SMYD3: variants seen among roughly 807,000 people sequenced by gnomAD.
The protein encoded by SMYD3 is histone-lysine N-methyltransferase SMYD3.
A neutral mutation model predicts 57.7 loss-of-function variants in SMYD3; 36 were observed. The ratio of observed to expected loss-of-function variants is 0.62; its 90% confidence interval spans 0.48 to 0.82. The LOEUF (loss-of-function observed/expected upper bound fraction) is 0.82. Ranked by LOEUF, SMYD3 falls within the 40% of genes least tolerant of loss-of-function variation. The pLI is 0.00. For missense variants in SMYD3, 515 were observed against 538.8 expected, an observed-to-expected ratio of 0.96 and a Z score of 0.44; for synonymous variants, 211 against 195.0, an observed-to-expected ratio of 1.08 and a Z score of -0.68.
chr1:246,271,730 T>C (rs891258149), intron 5 of SMYD3, among the ~76,000 whole-genome samples: 1 of 152,222 alleles, frequency 6.6e-6, no homozygotes, highest in African/African-American at 2.4e-5. Flanking sequence ...ATCAGCACAT[T>C]GAGTCATCCA....
chr1:246,034,141 A>T (rs2059728709), intron 5 of SMYD3, among the ~76,000 whole-genome samples: 1 of 152,202 alleles, frequency 6.6e-6, no homozygotes, highest in South Asian at 2.1e-4. Flanking sequence ...CTTTCCTCTA[A>T]GAAGTTGTAC....
intron 5 of SMYD3, among the ~76,000 whole-genome samples, chr1:246,091,344 TTG>T (rs2147888924): frequency 6.6e-6 from 1 of 152,248 alleles, no homozygotes; most frequent in African/African-American, 2.4e-5. Context: ...GCTGGATGGG[TTG>T]TGGGCAACAG....
intron 5 of SMYD3, among the ~76,000 whole-genome samples, chr1:245,990,773 G>A (rs2058797244): frequency 6.6e-6 from 1 of 152,186 alleles, no homozygotes; most frequent in South Asian, 2.1e-4. Context: ...TAGTCCAGTG[G>A]GACTCATGTC....
chr1:245,989,051 T>G (rs1433635763), intron 5 of SMYD3, among the ~76,000 whole-genome samples: 2 of 152,250 alleles, frequency 1.3e-5, no homozygotes, highest in Non-Finnish European at 2.9e-5. Context: ...CATTGTAACT[T>G]ATCCAGAATC....
intron 5 of SMYD3, among the ~76,000 whole-genome samples, chr1:246,182,282 C>T (rs2062565573): frequency 6.6e-6 from 1 of 152,132 alleles, no homozygotes; most frequent in South Asian, 2.1e-4. Flanking sequence ...CCTTCCTTCC[C>T]CTTTCTCCTA....
intron 1 of SMYD3, among the ~76,000 whole-genome samples, chr1:246,362,747 G>C (rs2066016651): frequency 6.6e-6 from 1 of 152,282 alleles, no homozygotes; most frequent in Non-Finnish European, 1.5e-5. Context: ...TGCAGACGGA[G>C]TCTCGTTCAC....
At chr1:245,867,239 A>G (rs1242843776) in intron 8 of SMYD3, among the ~76,000 whole-genome samples, 1 of 152,244 alleles carries the variant, frequency 6.6e-6, no homozygotes, top group East Asian at 1.9e-4. Flanking sequence ...AAGCTGGCAA[A>G]GGCAAGGAAC....
chr1:246,433,049 A>G (rs1046438374), intron 1 of SMYD3, among the ~76,000 whole-genome samples: 1 of 152,194 alleles, frequency 6.6e-6, no homozygotes, highest in Non-Finnish European at 1.5e-5. Flanking sequence ...TGCAGACAAT[A>G]TGATTCTATA....
intron 11 of SMYD3, among the ~76,000 whole-genome samples, chr1:245,759,766 T>C (rs2045764010): frequency 1.3e-5 from 2 of 151,726 alleles, no homozygotes; most frequent in South Asian, 4.2e-4. Flanking sequence ...AAAGTTTAAA[T>C]ACAGATTTTT....
chr1:246,067,009 C>A (rs12080373), intron 5 of SMYD3, among the ~76,000 whole-genome samples: 14 of 152,212 alleles, frequency 9.2e-5, no homozygotes, highest in Admixed American at 8.5e-4. Flanking sequence ...TTCTTTGAAG[C>A]GGTAAACTTT....
chr1:246,140,822 T>C (rs981318071), intron 5 of SMYD3, among the ~76,000 whole-genome samples: 4 of 152,126 alleles, frequency 2.6e-5, no homozygotes, highest in African/African-American at 9.7e-5. Flanking sequence ...CTTGAACTCC[T>C]GGCCTTAAGC....
chr1:245,795,870 C>T (rs2047501016), intron 10 of SMYD3, among the ~76,000 whole-genome samples: 1 of 152,220 alleles, frequency 6.6e-6, no homozygotes. Flanking sequence ...TCCCTAAATA[C>T]TATTCTCAGC....
chr1:246,036,640 A>G (rs375622610), intron 5 of SMYD3, among the ~76,000 whole-genome samples: 25 of 138,278 alleles, frequency 1.8e-4, no homozygotes, highest in African/African-American at 5.5e-4. Context: ...TGCAAGCTCC[A>G]CCTCCCGGGT....
At chr1:246,487,292 CA>C (rs1205535134) in intron 1 of SMYD3, among the ~76,000 whole-genome samples, 1 of 151,896 alleles carries the variant, frequency 6.6e-6, no homozygotes, top group Non-Finnish European at 1.5e-5. Context: ...ACTTAAAATA[CA>C]AAAATTAGCC....
intron 1 of SMYD3, among the ~76,000 whole-genome samples, chr1:246,417,586 G>A (rs1290643001): frequency 1.3e-5 from 2 of 152,086 alleles, no homozygotes; most frequent in Admixed American, 6.6e-5. Flanking sequence ...TCCTTGGTAT[G>A]AGTCATGGTC....
intron 8 of SMYD3, among the ~76,000 whole-genome samples, chr1:245,888,799 A>G (rs1200843253): frequency 1.3e-5 from 2 of 152,252 alleles, no homozygotes; most frequent in African/African-American, 2.4e-5. Context: ...CAGGTTTTAA[A>G]GACAGAGTGA....
chr1:245,772,467 T>G (rs954653835), intron 10 of SMYD3, among the ~76,000 whole-genome samples: 1 of 151,972 alleles, frequency 6.6e-6, no homozygotes, highest in Non-Finnish European at 1.5e-5. Flanking sequence ...CTGGGTAACA[T>G]AGTGAGATGC....
At position 245,787,390 on chromosome 1, in the gene SMYD3, G is replaced by A. The variant is rs1295810321; in HGVS notation, c.1077-23241C>T. Among the ~76,000 whole-genome samples the A allele has an allele frequency of 3.3e-5, 5 of 152,134 alleles. No homozygotes were observed. In the East Asian group the frequency reaches 5.8e-4, roughly 18 times the overall value. Reference sequence around the variant, plus strand: ...TCCATAACCAATCATCAGACCTAGCGCTGGACCAGTTCACATCCACACTGT... The same window carrying A: ...TCCATAACCAATCATCAGACCTAGCACTGGACCAGTTCACATCCACACTGT... On this transcript the variant is annotated intron_variant, in intron 10 of 11. Coordinates refer to ENST00000490107, the MANE Select transcript of SMYD3 (RefSeq NM_001167740.2).
At chr1:245,827,565 T>C (rs1298124630) in intron 10 of SMYD3, among the ~76,000 whole-genome samples, 1 of 152,176 alleles carries the variant, frequency 6.6e-6, no homozygotes, top group Non-Finnish European at 1.5e-5. Flanking sequence ...TCGCTTCTCC[T>C]TTGCTCTGCT....
Sources: allele counts gnomAD v4.1 joint callset (sites outside exome capture counted in the v4.1 genomes callset), GRCh38; gene constraint gnomAD v4.1.1; transcripts MANE v1.5; gene names NCBI Gene and HGNC (gene_info 2026-07-23, HGNC 2026-07-21).